TTC39C: variants seen among roughly 807,000 people sequenced by gnomAD.
TTC39C encodes tetratricopeptide repeat protein 39C.
Under a neutral mutation model 76.3 loss-of-function variants are expected in TTC39C, and 33 were observed. The observed-to-expected ratio is 0.43, with a 90% CI of 0.33 to 0.58. TTC39C has a LOEUF of 0.58. TTC39C is among the 20% of genes least tolerant of loss of function. TTC39C has a pLI of 0.04. For missense variants in TTC39C, 595 were observed against 701.4 expected (o/e 0.85, Z 1.71); for synonymous variants, 254 against 260.6 (o/e 0.97, Z 0.24).
At chr18:24,011,714 GAAGAAC>G, upstream of TTC39C, among the ~76,000 whole-genome samples, 1 of 152,158 alleles carries the variant, frequency 6.6e-6, no homozygotes, top group African/African-American at 2.4e-5. Flanking sequence ...GAAATCAAAT[GAAGAAC>G]CACAAAATAC....
intron 6 of TTC39C, 68 bp downstream of exon 6, chr18:24,083,149 G>A (rs2084398230): frequency 1.3e-6 from 2 of 1,487,644 alleles, no homozygotes; most frequent in Admixed American, 4.2e-5. Context: ...CTCACTTGAG[G>A]ACTGGTATTA....
chr18:24,057,130 A>T (rs2084026218), intron 1 of TTC39C, among the ~76,000 whole-genome samples: 1 of 151,912 alleles, frequency 6.6e-6, no homozygotes, highest in Admixed American at 6.6e-5. Context: ...GTTCCCTTTT[A>T]ATCTCTTTGC....
chr18:24,064,051 G>C (rs2084135064), intron 1 of TTC39C, 89 bp from the exon 2 acceptor site: 1 of 1,539,670 alleles, frequency 6.5e-7, no homozygotes, highest in Non-Finnish European at 8.8e-7. Flanking sequence ...AGGATTATAT[G>C]GTAATCATGA....
intron 10 of TTC39C, 31 bp from the exon 11 acceptor site, chr18:24,128,855 T>A (rs769987394): frequency 1.3e-6 from 2 of 1,560,968 alleles, no homozygotes; most frequent in Non-Finnish European, 1.8e-6. Flanking sequence ...TGCATTTGCT[T>A]ACTGCTCTGT....
intron 1 of TTC39C, among the ~76,000 whole-genome samples, chr18:23,996,157 T>C (rs1253328311): frequency 6.6e-6 from 1 of 152,268 alleles, no homozygotes. Flanking sequence ...TCCATCAAAA[T>C]GAGTGATGTT....
At chr18:24,120,732 T>C (rs2084956528) in intron 8 of TTC39C, among the ~76,000 whole-genome samples, 1 of 152,212 alleles carries the variant, frequency 6.6e-6, no homozygotes, top group Admixed American at 6.5e-5. Flanking sequence ...ACCACGCTTC[T>C]ACTTCCTGTC....
chr18:24,043,625 C>T (rs904618601), intron 1 of TTC39C, among the ~76,000 whole-genome samples: 1 of 152,174 alleles, frequency 6.6e-6, no homozygotes, highest in Non-Finnish European at 1.5e-5. Flanking sequence ...TTGCTCAACA[C>T]GAGGCTGCAA....
rs1350143017 is a variant in TTC39C, at chr18:23,997,856, A to G, written c.-17+4818A>G. On this transcript the variant is annotated intron_variant, in intron 1 of 13. Transcript: ENST00000304621. ...GCCACTGCATTCCCACCTGGGTGAC[A>G]GAGTGAGACCCCGTCTGAAAAAAGA... Among the ~76,000 whole-genome samples the G allele has an allele frequency of 2.0e-5, 3 of 151,712 alleles. No homozygotes were observed. In the East Asian group the frequency reaches 5.8e-4, roughly 29 times the overall value.
chr18:24,036,366 A>G lies in TTC39C; in HGVS notation c.167+21328A>G, dbSNP rs147391176. Among the ~76,000 whole-genome samples the G allele has an allele frequency of 3.0e-3, 454 of 152,314 alleles. 3 individuals are homozygous for G. The highest frequency in any genetic ancestry group is 0.02 in the Middle Eastern group (6 of 294). On this transcript the variant is annotated intron_variant, in intron 1 of 13. Coordinates refer to ENST00000317571, the MANE Select transcript of TTC39C (RefSeq NM_001135993.2). ...ATCCATGAACATGGAACATCTTTCCATTTATTGATCTCATCTTTAATTTCT... is the reference window on the plus strand; with the variant it reads ...ATCCATGAACATGGAACATCTTTCCGTTTATTGATCTCATCTTTAATTTCT...
intron 1 of TTC39C, among the ~76,000 whole-genome samples, chr18:24,006,015 ATTT>A (rs11364340): frequency 8.4e-5 from 12 of 142,554 alleles, no homozygotes; most frequent in East Asian, 2.1e-4. Context: ...CCTACAGAAT[ATTT>A]TTTTTTTTTT....
At chr18:24,130,723 G>A (rs934603992) in intron 12 of TTC39C, among the ~76,000 whole-genome samples, 1 of 151,932 alleles carries the variant, frequency 6.6e-6, no homozygotes, top group African/African-American at 2.4e-5. Context: ...CACAGACCTA[G>A]GTGGTATCAC....
At chr18:24,057,023 T>G (rs1321194778) in intron 1 of TTC39C, among the ~76,000 whole-genome samples, 1 of 152,144 alleles carries the variant, frequency 6.6e-6, no homozygotes, top group Admixed American at 6.5e-5. Context: ...TTATACATCT[T>G]GAAAAGTACA....
chr18:23,993,406 C>T (rs2083235102), intron 1 of TTC39C, among the ~76,000 whole-genome samples: 1 of 152,156 alleles, frequency 6.6e-6, no homozygotes, highest in African/African-American at 2.4e-5. Context: ...ACAAAATGTC[C>T]ACACACAGAT....
At chr18:24,003,075 C>T (rs2083326236) in intron 1 of TTC39C, among the ~76,000 whole-genome samples, 1 of 152,180 alleles carries the variant, frequency 6.6e-6, no homozygotes, top group Non-Finnish European at 1.5e-5. Flanking sequence ...CACAGAGAGC[C>T]CTTGTGCCTG....
chr18:24,012,900 T>A (rs903144555), upstream of TTC39C: 2 of 150,756 alleles, frequency 1.3e-5, no homozygotes, highest in Non-Finnish European at 2.9e-5. Flanking sequence ...TAAATTTATT[T>A]AAAAACATAC....
At chr18:24,021,396 G>A (rs559459796) in intron 1 of TTC39C, among the ~76,000 whole-genome samples, 5 of 152,296 alleles carry the variant, frequency 3.3e-5, no homozygotes, top group Admixed American at 6.5e-5. Context: ...TGGGGAAAAT[G>A]CCTTCCAGTT....
chr18:24,046,304 A>G (rs1014139975), intron 1 of TTC39C, among the ~76,000 whole-genome samples: 1 of 151,802 alleles, frequency 6.6e-6, no homozygotes, highest in Non-Finnish European at 1.5e-5. Flanking sequence ...TCCATTTATC[A>G]TCATGATACA....
chr18:24,098,414 C>CTCCCTCCTTCCT (rs2084620522), intron 6 of TTC39C, among the ~76,000 whole-genome samples: 2 of 74,474 alleles, frequency 2.7e-5, no homozygotes, highest in Admixed American at 1.4e-4. Context: ...CCCTCCCTCC[C>CTCCCTCCTTCCT]TCCTTCCTTC....
At chr18:24,092,123 A>T (rs12455676) in intron 6 of TTC39C, among the ~76,000 whole-genome samples, 24,703 of 51,648 alleles carry the variant, frequency 0.48, 6,028 homozygotes, top group African/African-American at 0.65. Context: ...AAAAAAAAAA[A>T]AATAATAATA....
Sources: allele counts gnomAD v4.1 joint callset (sites outside exome capture counted in the v4.1 genomes callset), GRCh38; gene constraint gnomAD v4.1.1; transcripts MANE v1.5; gene names NCBI Gene and HGNC (gene_info 2026-07-23, HGNC 2026-07-21).